Variants in ZFHX3 observed in about 807,000 individuals in gnomAD.
The protein encoded by ZFHX3 is zinc finger homeobox 3.
In ZFHX3, 42 loss-of-function variants were observed where a neutral mutation model predicts 279.1. That is an observed-to-expected ratio of 0.15 (90% CI 0.12 to 0.19). The LOEUF (loss-of-function observed/expected upper bound fraction) is 0.19. Among genes scored for constraint, ZFHX3 ranks in the 10% least tolerant of loss-of-function variants. The probability of loss-of-function intolerance (pLI) is 1.00; values close to 1 mark genes in which losing one functional copy is unlikely to be tolerated. For missense variants in ZFHX3, 4,981 were observed against 4,754.0 expected (o/e 1.05, Z -1.40); for synonymous variants, 2,293 against 1,957.8 (o/e 1.17, Z -4.52).
At chr16:73,136,452 G>A (rs535043761) in intron 6 of ZFHX3, among the ~76,000 whole-genome samples, 8 of 152,024 alleles carry the variant, frequency 5.3e-5, no homozygotes, top group African/African-American at 1.2e-4. Context: ...CAACGGGAGC[G>A]GTGGCTCATG....
chr16:73,244,094 C>T (rs1032875024), intron 5 of ZFHX3, among the ~76,000 whole-genome samples: 1 of 152,132 alleles, frequency 6.6e-6, no homozygotes, highest in African/African-American at 2.4e-5. Flanking sequence ...GACTTGGGAT[C>T]TTAGATCTTT....
chr16:73,443,305 G>C (rs1216489357), intron 3 of ZFHX3, among the ~76,000 whole-genome samples: 4 of 152,198 alleles, frequency 2.6e-5, no homozygotes, highest in African/African-American at 9.7e-5. Flanking sequence ...TGGAAGTTAC[G>C]GAGATGTGTG....
rs149790932 is a variant in ZFHX3, at chr16:72,928,058, G to A, written c.3216+22411C>T. 7.2e-3 allele frequency among the ~76,000 whole-genome samples: 1,025 copies of A among 141,964 alleles called. 32 individuals are homozygous for A. Among genetic ancestry groups the A allele is most frequent in the East Asian group, 0.028 (131 of 4,608 alleles). 93.1% of individuals were successfully genotyped at this position (141,964 alleles called of 152,430 possible). ...GGGGCTGGCACCGTGCCAAGGCCAG[G>A]CAACGGGTTTAACCATTTAGGGTGC... On this transcript the variant is annotated intron_variant, in intron 3 of 9. Coordinates refer to ENST00000268489, the MANE Select transcript of ZFHX3 (RefSeq NM_006885.4).
rs1021137550 is a variant in ZFHX3 at position 72,848,328 on chromosome 16, T to C, written c.3449-18469A>G. Among the ~76,000 whole-genome samples the C allele has an allele frequency of 3.0e-4, 46 of 152,276 alleles. 1 individual carries two copies. Among genetic ancestry groups the C allele is most frequent in the Admixed American group, 1.7e-3 (26 of 15,300 alleles). ...CTCTGCAGCCTATTCACGAGCCCTA[T>C]TGATCTGCCGCACACTCGGTGCCTT... On this transcript the variant is annotated intron_variant, in intron 4 of 9. Coordinates refer to ENST00000268489, the MANE Select transcript of ZFHX3 (RefSeq NM_006885.4).
At chr16:73,422,597 A>G (rs1268282602) in intron 3 of ZFHX3, among the ~76,000 whole-genome samples, 1 of 152,188 alleles carries the variant, frequency 6.6e-6, no homozygotes. Flanking sequence ...TGGCCTCATG[A>G]CTTCTTAGCA....
chr16:73,048,341 C>A (rs1051674725), upstream of ZFHX3: 2 of 151,732 alleles, frequency 1.3e-5, no homozygotes, highest in African/African-American at 4.8e-5. Context: ...CGCCCGCCCG[C>A]CCGCAGGGAC....
intron 5 of ZFHX3, among the ~76,000 whole-genome samples, chr16:72,815,448 T>C (rs988547107): frequency 6.6e-6 from 1 of 150,856 alleles, no homozygotes; most frequent in African/African-American, 2.4e-5. Context: ...TCCATCAACA[T>C]GCTATGCTGG....
chr16:73,429,742 G>T (rs964058400), intron 3 of ZFHX3, among the ~76,000 whole-genome samples: 1 of 152,128 alleles, frequency 6.6e-6, no homozygotes, highest in South Asian at 2.1e-4. Context: ...TCGACCCATA[G>T]GCCCCCGGTG....
chr16:72,811,725 C>T lies in ZFHX3; in HGVS notation c.3716G>A (p.Arg1239Gln), dbSNP rs758002414. The T allele has an allele frequency of 9.3e-6, 15 of 1,613,916 alleles. No individual in the cohort carries two copies. Among genetic ancestry groups the T allele is most frequent in the East Asian group, 4.5e-5 (2 of 44,888 alleles). Reference protein sequence around the residue: ...KYSNADVNRLRVHAMTQHSVQ... With the variant: ...KYSNADVNRLQVHAMTQHSVQ... ...CGAGTGCTGCGTCATGGCATGCACC[C>T]GGAGCCGGTTGACATCGGCATTACT... Residue 1239 changes from arginine to glutamine, a missense_variant, in exon 7 of 10, where the codon CGG becomes CAG. Arg to Gln is a conservative substitution (Grantham distance 43). Around this residue, in one of 7 missense-constraint regions of ZFHX3, gnomAD observed 1,751 missense variants for 1,770.0 expected, o/e 0.99. Transcript: ENST00000268489.
chr16:73,336,669 G>T (rs1381271333), intron 3 of ZFHX3, among the ~76,000 whole-genome samples: 1 of 151,946 alleles, frequency 6.6e-6, no homozygotes, highest in African/African-American at 2.4e-5. Flanking sequence ...CCATGTCTTT[G>T]CTATGTGAAT....
At chr16:73,728,015 G>GCCCCCATCCCC (rs2053534637) in intron 1 of ZFHX3, among the ~76,000 whole-genome samples, 1 of 75,426 alleles carries the variant, frequency 1.3e-5, no homozygotes, top group Non-Finnish European at 2.6e-5. Context: ...GCCGAATTGT[G>GCCCCCATCCCC]CCCCCCCCCC....
chr16:73,732,569 C>T (rs896530371), intron 1 of ZFHX3, among the ~76,000 whole-genome samples: 3 of 152,172 alleles, frequency 2.0e-5, no homozygotes, highest in African/African-American at 7.2e-5. Flanking sequence ...TTTAAAAATC[C>T]AGAATGGATC....
intron 3 of ZFHX3, among the ~76,000 whole-genome samples, chr16:72,926,735 A>C (rs2144265515): frequency 6.6e-6 from 1 of 152,338 alleles, no homozygotes; most frequent in East Asian, 1.9e-4. Context: ...TGCTGTATTC[A>C]GATGAGGGGC....
chr16:72,993,651 C>G (rs2144576982), intron 1 of ZFHX3, among the ~76,000 whole-genome samples: 1 of 152,262 alleles, frequency 6.6e-6, no homozygotes, highest in Middle Eastern at 3.4e-3. Flanking sequence ...TTCAAGCCCA[C>G]CACTCCCCAC....
At chr16:73,389,933 G>A (rs1372828450) in intron 3 of ZFHX3, among the ~76,000 whole-genome samples, 6 of 152,246 alleles carry the variant, frequency 3.9e-5, no homozygotes, top group Admixed American at 1.3e-4. Flanking sequence ...GGTGGCGCAC[G>A]CCTGTAGTCC....
chr16:73,770,478 C>A (rs2054005442), intron 1 of ZFHX3, among the ~76,000 whole-genome samples: 1 of 152,204 alleles, frequency 6.6e-6, no homozygotes, highest in Non-Finnish European at 1.5e-5. Context: ...ACAACCACCA[C>A]AGAAATGAAA....
intron 4 of ZFHX3, among the ~76,000 whole-genome samples, chr16:73,291,720 G>T (rs984593660): frequency 1.3e-5 from 2 of 152,146 alleles, no homozygotes; most frequent in African/African-American, 4.8e-5. Context: ...GCATTACCTA[G>T]AACCTGTCAT....
At chr16:73,373,572 C>A (rs917081543) in intron 3 of ZFHX3, among the ~76,000 whole-genome samples, 1 of 152,162 alleles carries the variant, frequency 6.6e-6, no homozygotes, top group African/African-American at 2.4e-5. Context: ...CGAGCTACCA[C>A]CAAATGAACT....
At chr16:73,359,070 G>A (rs2143307068) in intron 3 of ZFHX3, among the ~76,000 whole-genome samples, 1 of 152,224 alleles carries the variant, frequency 6.6e-6, no homozygotes, top group East Asian at 1.9e-4. Flanking sequence ...TGAGCATCTT[G>A]CTTTCTGCCT....
Sources: allele counts gnomAD v4.1 joint callset (sites outside exome capture counted in the v4.1 genomes callset), GRCh38; gene constraint gnomAD v4.1.1; regional missense constraint gnomAD v4.1.1; transcripts MANE v1.5; gene names NCBI Gene and HGNC (gene_info 2026-07-23, HGNC 2026-07-21).